The following L3MBTL4 variants were observed in gnomAD, a reference collection of about 807,000 sequenced individuals.
L3MBTL4 encodes L3MBTL histone methyl-lysine binding protein 4, also known as lethal(3)malignant brain tumor-like protein 4.
A neutral mutation model predicts 84.5 loss-of-function variants in L3MBTL4; 70 were observed. The ratio of observed to expected loss-of-function variants is 0.83; its 90% CI spans 0.68 to 1.01. The LOEUF (loss-of-function observed/expected upper bound fraction) is 1.01. Among genes scored for constraint, L3MBTL4 ranks in the 50% least tolerant of loss-of-function variants. The pLI, the probability that L3MBTL4 is intolerant of heterozygous loss-of-function variation, is 0.00. For missense variants in L3MBTL4, 715 were observed against 754.8 expected, an observed-to-expected ratio of 0.95 and a Z score of 0.62; for synonymous variants, 274 against 259.8, an observed-to-expected ratio of 1.05 and a Z score of -0.52.
chr18:6,256,222 C>T (rs753008957), intron 5 of L3MBTL4, among the ~76,000 whole-genome samples: 2 of 152,140 alleles, frequency 1.3e-5, no homozygotes, highest in East Asian at 1.9e-4. Flanking sequence ...CACATGTGCA[C>T]GTCTTTCAGA....
rs140918446 is a variant in L3MBTL4, at chr18:6,197,817, G to A, written c.981+15332C>T. On this transcript the variant is annotated intron_variant, in intron 12 of 18. Transcript: ENST00000317931. ...TCCTGCCAGACCCAGATTTCTATAG[G>A]TACAAACTCATTTGCTATCACTGCT... Among the ~76,000 whole-genome samples, 88 of 152,268 alleles carry A rather than the reference G, an allele frequency of 5.8e-4. 2 individuals carry two copies. The East Asian group carries it at 0.017, about 29-fold the overall frequency.
rs1354186319 is a variant in L3MBTL4 at position 6,171,816 on chromosome 18, C to T, written c.1096+12G>A. On this transcript the variant is annotated intron_variant, in intron 13 of 18. Coordinates refer to ENST00000317931, the MANE Select transcript of L3MBTL4 (RefSeq NM_001330559.2). Reference sequence around the variant, plus strand: ...GTATTTAAAAAGCAACAACAAAGAGCAAAGTACTCACGCTGTGGCACTTCC... The same window carrying T: ...GTATTTAAAAAGCAACAACAAAGAGTAAAGTACTCACGCTGTGGCACTTCC... 2 of 1,464,972 alleles carry T rather than the reference C, an allele frequency of 1.4e-6. No homozygotes were observed. The highest frequency in any genetic ancestry group is 4.1e-5 in the Admixed American group (2 of 48,200). The allele number at this position is 1,464,972 out of a possible 1,614,324, so 90.7% of individuals were successfully genotyped here.
chr18:6,040,908 T>C (rs2056372571), intron 16 of L3MBTL4, among the ~76,000 whole-genome samples: 1 of 149,968 alleles, frequency 6.7e-6, no homozygotes, highest in South Asian at 2.1e-4. Context: ...ACAAATCACA[T>C]AATTTCTATA....
chr18:6,001,562 C>T (rs1048073407), intron 16 of L3MBTL4, among the ~76,000 whole-genome samples: 17 of 152,022 alleles, frequency 1.1e-4, no homozygotes, highest in Non-Finnish European at 1.6e-4. Flanking sequence ...TTCAAATGGT[C>T]AGTTTCAACA....
chr18:6,177,678 T>C (rs1184330733), intron 12 of L3MBTL4, among the ~76,000 whole-genome samples: 1 of 152,190 alleles, frequency 6.6e-6, no homozygotes, highest in African/African-American at 2.4e-5. Flanking sequence ...GGCTGCTCTG[T>C]CTCCTACTAT....
At chr18:6,246,194 C>T (rs1464083768) in intron 5 of L3MBTL4, among the ~76,000 whole-genome samples, 1 of 152,114 alleles carries the variant, frequency 6.6e-6, no homozygotes, top group Non-Finnish European at 1.5e-5. Flanking sequence ...AGAAAGCAAT[C>T]ATTTCCATAT....
chr18:6,194,423 G>A (rs138466848), intron 12 of L3MBTL4, among the ~76,000 whole-genome samples: 1 of 152,182 alleles, frequency 6.6e-6, no homozygotes, highest in African/African-American at 2.4e-5. Flanking sequence ...CATCACAGCC[G>A]TCGTTACCAT....
chr18:6,010,025 T>C lies in L3MBTL4; in HGVS notation c.1445-40463A>G, dbSNP rs1008451330. 2.3e-4 allele frequency among the ~76,000 whole-genome samples: 12 copies of C among 52,506 alleles called. No individual in the cohort carries two copies. In the Admixed American group the frequency reaches 2.7e-3, roughly 12 times the overall value. The allele number at this position is 52,506 out of a possible 152,430, so 34.4% of individuals were successfully genotyped here. A position where few individuals can be genotyped will look rare whatever the true frequency, so the allele number is the denominator to read the frequency against. On this transcript the variant is annotated intron_variant, in intron 16 of 18. Coordinates refer to ENST00000317931, the MANE Select transcript of L3MBTL4 (RefSeq NM_001330559.2). ...ACATACTTTAACCCTCCATCACCAGTCTTTTTTGGCTCTTTAAAATCGATG... is the reference window on the plus strand; with the variant it reads ...ACATACTTTAACCCTCCATCACCAGCCTTTTTTGGCTCTTTAAAATCGATG...
rs532886922 is a variant in L3MBTL4 at position 6,384,656 on chromosome 18, T to C, written c.-91+30145A>G. On this transcript the variant is annotated intron_variant, in intron 1 of 18. Coordinates refer to ENST00000317931, the MANE Select transcript of L3MBTL4 (RefSeq NM_001330559.2). Reference sequence around the variant, plus strand: ...AAGTGGATTCTAATTCCCCACCCTGTTCTGAATATAGGCCAAACTCAGTGA... The same window carrying C: ...AAGTGGATTCTAATTCCCCACCCTGCTCTGAATATAGGCCAAACTCAGTGA... 5.9e-5 allele frequency among the ~76,000 whole-genome samples: 9 copies of C among 152,346 alleles called. No homozygotes were observed. In the East Asian group the frequency reaches 1.5e-3, roughly 26 times the overall value.
chr18:6,356,472 C>T (rs928614596), intron 1 of L3MBTL4, among the ~76,000 whole-genome samples: 3 of 152,168 alleles, frequency 2.0e-5, no homozygotes, highest in Non-Finnish European at 2.9e-5. Flanking sequence ...CTAAGAAATG[C>T]GTTATTAGCA....
At chr18:6,165,720 A>G (rs2043615510) in intron 13 of L3MBTL4, among the ~76,000 whole-genome samples, 1 of 152,234 alleles carries the variant, frequency 6.6e-6, no homozygotes, top group South Asian at 2.1e-4. Context: ...CAACCACTGC[A>G]AAAACATGCC....
chr18:6,068,925 C>A (rs942723617), intron 16 of L3MBTL4, among the ~76,000 whole-genome samples: 1 of 152,188 alleles, frequency 6.6e-6, no homozygotes, highest in Non-Finnish European at 1.5e-5. Context: ...TCTCCCCCTT[C>A]CCCTAGGAAT....
At chr18:5,963,577 C>A (rs1567920441) in intron 17 of L3MBTL4, among the ~76,000 whole-genome samples, 1 of 152,150 alleles carries the variant, frequency 6.6e-6, no homozygotes, top group Non-Finnish European at 1.5e-5. Context: ...CCATTTGATT[C>A]GGCCTATCTG....
chr18:6,204,489 C>A (rs985882183), intron 12 of L3MBTL4, among the ~76,000 whole-genome samples: 1 of 152,134 alleles, frequency 6.6e-6, no homozygotes, highest in African/African-American at 2.4e-5. Context: ...GACAAAGGGG[C>A]TTTCCATAGT....
intron 12 of L3MBTL4, among the ~76,000 whole-genome samples, chr18:6,202,845 A>G (rs1258832295): frequency 1.3e-5 from 2 of 152,198 alleles, no homozygotes; most frequent in Non-Finnish European, 2.9e-5. Flanking sequence ...TGTCAAAAGT[A>G]CCAGTTACAT....
intron 1 of L3MBTL4, among the ~76,000 whole-genome samples, chr18:6,400,662 T>C (rs1399581799): frequency 6.6e-6 from 1 of 152,230 alleles, no homozygotes; most frequent in African/African-American, 2.4e-5. Context: ...TCTATCTGTC[T>C]TGGCCTCCCA....
chr18:6,208,450 A>AT, intron 12 of L3MBTL4, among the ~76,000 whole-genome samples: 1 of 152,214 alleles, frequency 6.6e-6, no homozygotes. Flanking sequence ...AGACTTGTTG[A>AT]AGAGACTCAA....
intron 13 of L3MBTL4, among the ~76,000 whole-genome samples, chr18:6,141,469 A>G (rs974771019): frequency 3.3e-5 from 5 of 152,030 alleles, no homozygotes; most frequent in Admixed American, 6.5e-5. Context: ...TCTTAAAGTC[A>G]TTTCAAAGTC....
At chr18:6,079,514 T>G (rs2057995381) in intron 16 of L3MBTL4, among the ~76,000 whole-genome samples, 1 of 152,264 alleles carries the variant, frequency 6.6e-6, no homozygotes, top group East Asian at 1.9e-4. Context: ...TCTGAGCATC[T>G]TGGAAGAGAT....
Sources: gnomAD v4.1 joint callset for allele counts (sites outside exome capture counted in the v4.1 genomes callset) on GRCh38, gnomAD v4.1.1 for gene constraint, MANE v1.5 for transcripts, NCBI Gene and HGNC (gene_info 2026-07-23, HGNC 2026-07-21) for gene names.